Variants in DMRT1 observed in about 807,000 individuals in gnomAD.
DMRT1 encodes doublesex- and mab-3-related transcription factor 1.
In DMRT1, 7 loss-of-function variants were observed where a neutral mutation model predicts 32.3. The ratio of observed to expected loss-of-function variants is 0.22; its 90% CI spans 0.12 to 0.41. The LOEUF is 0.41. Ranked by LOEUF, DMRT1 falls within the 10% of genes least tolerant of loss-of-function variation. The pLI is 1.00. For synonymous variants in DMRT1, 278 were observed against 206.1 expected, an observed-to-expected ratio of 1.35 and a Z score of -2.99; for missense variants, 625 against 500.5, an observed-to-expected ratio of 1.25 and a Z score of -2.37.
chr9:851,478 A>G (rs1272801822), intron 2 of DMRT1, among the ~76,000 whole-genome samples: 1 of 152,092 alleles, frequency 6.6e-6, no homozygotes, highest in Non-Finnish European at 1.5e-5. Flanking sequence ...ACCTCAAATG[A>G]TTGCCCGCCT....
At chr9:924,760 G>A (rs1171956082) in intron 4 of DMRT1, among the ~76,000 whole-genome samples, 1 of 152,154 alleles carries the variant, frequency 6.6e-6, no homozygotes, top group Non-Finnish European at 1.5e-5. Flanking sequence ...TGATATGTTT[G>A]CCAAGTAAAA....
chr9:856,624 T>C (rs1202285431), intron 2 of DMRT1, among the ~76,000 whole-genome samples: 2 of 152,246 alleles, frequency 1.3e-5, no homozygotes, highest in African/African-American at 4.8e-5. Context: ...TACCACATTA[T>C]TTTTCTGTTT....
rs563041828 is a variant in DMRT1 at position 897,798 on chromosome 9, C to A, written c.822+3603C>A. 8.6e-5 allele frequency among the ~76,000 whole-genome samples: 13 copies of A among 151,990 alleles called. No homozygotes were observed. The South Asian group carries it at 2.5e-3, about 29-fold the overall frequency. On this transcript the variant is annotated intron_variant, in intron 3 of 4. Coordinates refer to ENST00000382276, the MANE Select transcript of DMRT1 (RefSeq NM_021951.3). Reference sequence around the variant, plus strand: ...GTATTTTCGTTAGCTACCTCAGATCCCCTTTGTAGCAAGATAGGGTATAAA... The same window carrying A: ...GTATTTTCGTTAGCTACCTCAGATCACCTTTGTAGCAAGATAGGGTATAAA...
intron 2 of DMRT1, among the ~76,000 whole-genome samples, chr9:888,812 G>T (rs1817031588): frequency 6.6e-6 from 1 of 152,144 alleles, no homozygotes; most frequent in Middle Eastern, 3.4e-3. Flanking sequence ...ACAGCCGTGT[G>T]TCTCAACAGT....
chr9:921,335 G>T (rs1818347227), intron 4 of DMRT1, among the ~76,000 whole-genome samples: 1 of 152,140 alleles, frequency 6.6e-6, no homozygotes, highest in South Asian at 2.1e-4. Flanking sequence ...CGTTTTTGTG[G>T]CTCAATATCA....
At chr9:900,449 A>G (rs551079309) in intron 3 of DMRT1, among the ~76,000 whole-genome samples, 2 of 152,170 alleles carry the variant, frequency 1.3e-5, no homozygotes, top group East Asian at 3.9e-4. Flanking sequence ...AATGGTCAAA[A>G]CAAGTCACTT....
intron 2 of DMRT1, among the ~76,000 whole-genome samples, chr9:881,565 T>C (rs75672468): frequency 0.047 from 7,178 of 152,300 alleles, 563 homozygotes; most frequent in African/African-American, 0.16. Flanking sequence ...CTACATGCTC[T>C]AGAGAGAAAG....
At chr9:930,564 A>G (rs1367003318) in intron 4 of DMRT1, among the ~76,000 whole-genome samples, 4 of 151,926 alleles carry the variant, frequency 2.6e-5, no homozygotes, top group Admixed American at 1.3e-4. Context: ...GCCCGCCACC[A>G]TGCCCAGCAA....
At chr9:883,482 A>G (rs931127448) in intron 2 of DMRT1, among the ~76,000 whole-genome samples, 1 of 151,964 alleles carries the variant, frequency 6.6e-6, no homozygotes, top group African/African-American at 2.4e-5. Context: ...AAAAAAATGC[A>G]TTAACTCCCC....
At chr9:950,857 A>C (rs531382736) in intron 4 of DMRT1, among the ~76,000 whole-genome samples, 1 of 152,174 alleles carries the variant, frequency 6.6e-6, no homozygotes, top group East Asian at 1.9e-4. Context: ...GTCTTTTTCT[A>C]TCACTTTTTG....
At chr9:878,151 C>T (rs1214568304) in intron 2 of DMRT1, among the ~76,000 whole-genome samples, 1 of 150,608 alleles carries the variant, frequency 6.6e-6, no homozygotes, top group Non-Finnish European at 1.5e-5. Context: ...TTGAATAGCA[C>T]ATTAACTTTA....
intron 2 of DMRT1, among the ~76,000 whole-genome samples, chr9:860,516 T>C (rs1406459406): frequency 6.6e-6 from 1 of 152,188 alleles, no homozygotes; most frequent in Non-Finnish European, 1.5e-5. Context: ...GTTCATTCTA[T>C]GGCTGCACTG....
At chr9:960,899 G>T (rs1819750608) in intron 4 of DMRT1, among the ~76,000 whole-genome samples, 1 of 152,206 alleles carries the variant, frequency 6.6e-6, no homozygotes, top group South Asian at 2.1e-4. Context: ...GTGCTGAGAA[G>T]TGACGCTAGG....
chr9:846,379 T>C (rs1167397740), intron 1 of DMRT1, among the ~76,000 whole-genome samples: 3 of 152,156 alleles, frequency 2.0e-5, no homozygotes, highest in Non-Finnish European at 2.9e-5. Flanking sequence ...CAATCTACTC[T>C]TACTGGTACC....
intron 4 of DMRT1, among the ~76,000 whole-genome samples, chr9:959,599 G>A (rs903579749): frequency 2.6e-5 from 4 of 152,138 alleles, no homozygotes; most frequent in African/African-American, 9.7e-5. Context: ...CACTATCTTG[G>A]CTCACTGCCA....
intron 4 of DMRT1, among the ~76,000 whole-genome samples, chr9:949,377 ACCC>A (rs1415530578): frequency 6.6e-6 from 1 of 151,686 alleles, no homozygotes; most frequent in Non-Finnish European, 1.5e-5. Context: ...GGAAAAAAAA[ACCC>A]CAAAAAACCC....
chr9:903,347 C>T (rs1817659367), intron 3 of DMRT1, among the ~76,000 whole-genome samples: 1 of 152,084 alleles, frequency 6.6e-6, no homozygotes, highest in South Asian at 2.1e-4. Flanking sequence ...ATCACCTCAC[C>T]TACCAGCACT....
intron 2 of DMRT1, among the ~76,000 whole-genome samples, chr9:850,894 T>G (rs1432848348): frequency 2.6e-5 from 4 of 152,038 alleles, no homozygotes; most frequent in Non-Finnish European, 5.9e-5. Context: ...CTGGGCATGG[T>G]GGCACACGCC....
chr9:918,089 T>G (rs1253449975), intron 4 of DMRT1, among the ~76,000 whole-genome samples: 1 of 152,234 alleles, frequency 6.6e-6, no homozygotes, highest in African/African-American at 2.4e-5. Flanking sequence ...ACAACACATT[T>G]TCTATACTTT....
Sources: allele counts gnomAD v4.1 joint callset (sites outside exome capture counted in the v4.1 genomes callset), GRCh38; gene constraint gnomAD v4.1.1; transcripts MANE v1.5; gene names NCBI Gene and HGNC (gene_info 2026-07-23, HGNC 2026-07-21).